EPHA3: variants seen among roughly 807,000 people sequenced by gnomAD.
EPHA3 encodes the protein EPH receptor A3, also known as ephrin type-A receptor 3.
In EPHA3, 42 loss-of-function variants were observed where a neutral mutation model predicts 107.1. The ratio of observed to expected loss-of-function variants is 0.39; its 90% CI spans 0.31 to 0.51. The LOEUF (loss-of-function observed/expected upper bound fraction) is 0.51. Among genes scored for constraint, EPHA3 ranks in the 20% least tolerant of loss-of-function variants. The pLI is 0.78. For missense variants in EPHA3, 1,183 were observed against 1,211.2 expected, an observed-to-expected ratio of 0.98 and a Z score of 0.35; for synonymous variants, 461 against 424.8, an observed-to-expected ratio of 1.09 and a Z score of -1.05.
intron 13 of EPHA3, among the ~76,000 whole-genome samples, chr3:89,433,676 TAACA>T (rs776592574): frequency 6.6e-6 from 1 of 152,202 alleles, no homozygotes; most frequent in Non-Finnish European, 1.5e-5. Context: ...ATGTTGTTCT[TAACA>T]AACACAATTC....
chr3:89,164,386 G>A (rs577852352), intron 2 of EPHA3, among the ~76,000 whole-genome samples: 15 of 152,332 alleles, frequency 9.8e-5, no homozygotes, highest in African/African-American at 3.4e-4. Context: ...AACAAGCTTG[G>A]CCTAGACACG....
At chr3:89,429,732 A>ATCTG (rs1422796901) in intron 12 of EPHA3, among the ~76,000 whole-genome samples, 3 of 150,134 alleles carry the variant, frequency 2.0e-5, no homozygotes, top group African/African-American at 7.5e-5. Flanking sequence ...CTATCTATCT[A>ATCTG]TCTATCTATA....
chr3:89,239,668 C>T (rs965007340), intron 3 of EPHA3, among the ~76,000 whole-genome samples: 1 of 152,124 alleles, frequency 6.6e-6, no homozygotes. Context: ...CATTTATCAC[C>T]ACTATTCTTC....
chr3:89,198,560 T>C (rs1261251800), intron 2 of EPHA3, among the ~76,000 whole-genome samples: 1 of 152,188 alleles, frequency 6.6e-6, no homozygotes, highest in Non-Finnish European at 1.5e-5. Flanking sequence ...AAGAGAACAG[T>C]AGAAGGGGTC....
chr3:89,316,279 T>C (rs1706897310), intron 3 of EPHA3, among the ~76,000 whole-genome samples: 1 of 151,406 alleles, frequency 6.6e-6, no homozygotes, highest in Non-Finnish European at 1.5e-5. Context: ...TTCCCATCCA[T>C]ATTGCCAGCT....
Position 89,284,356 on chromosome 3 carries a change from C to T in EPHA3, c.815-56560C>T, listed in dbSNP as rs762351344. 1.1e-4 allele frequency among the ~76,000 whole-genome samples: 17 copies of T among 152,092 alleles called. No homozygotes were observed. The East Asian group carries it at 1.2e-3, about 10-fold the overall frequency. On this transcript the variant is annotated intron_variant, in intron 3 of 16. Transcript: ENST00000336596. ...TAAACCATTTCTGGTGATGAGACTG[C>T]GGATAAACCAATCTAGAACATTCAG...
intron 3 of EPHA3, among the ~76,000 whole-genome samples, chr3:89,221,929 C>T (rs1704386194): frequency 6.6e-6 from 1 of 152,054 alleles, no homozygotes. Context: ...AAAAGATTGG[C>T]AATGGTGGTA....
At chr3:89,369,080 G>A (rs1708240756) in intron 5 of EPHA3, among the ~76,000 whole-genome samples, 1 of 150,234 alleles carries the variant, frequency 6.7e-6, no homozygotes, top group Admixed American at 6.7e-5. Context: ...TGTCATGGAA[G>A]GGAAGAAGAA....
Position 89,399,532 on chromosome 3 carries a change from G to T in EPHA3, c.1594+52G>T, listed in dbSNP as rs1294219020. ...AGGAGGGGGCAGGGATCTTGCAAAA[G>T]ATGTCTGATCGTTTATTCTCACTGT... On this transcript the variant is annotated intron_variant, in intron 7 of 16. Transcript: ENST00000336596. 4 of 1,597,630 alleles carry T rather than the reference G, an allele frequency of 2.5e-6. No individual in the cohort carries two copies. In the African/African-American group the frequency reaches 4.0e-5, roughly 16 times the overall value.
Position 89,353,139 on chromosome 3 carries a change from A to C in EPHA3, c.1306+11049A>C, listed in dbSNP as rs564962891. ...CTGAAGAAGCAAACATTTTAAAATAAAGGTAGAATAAATGCTTAGCTGAAT... is the reference window on the plus strand; with the variant it reads ...CTGAAGAAGCAAACATTTTAAAATACAGGTAGAATAAATGCTTAGCTGAAT... On this transcript the variant is annotated intron_variant, in intron 5 of 16. Coordinates refer to ENST00000336596, the MANE Select transcript of EPHA3 (RefSeq NM_005233.6). Among the ~76,000 whole-genome samples the C allele has an allele frequency of 3.3e-5, 5 of 151,258 alleles. No homozygotes were observed. In the South Asian group the frequency reaches 8.3e-4, roughly 25 times the overall value.
intron 3 of EPHA3, among the ~76,000 whole-genome samples, chr3:89,216,399 A>G (rs2107195289): frequency 6.6e-6 from 1 of 152,050 alleles, no homozygotes; most frequent in Admixed American, 6.5e-5. Flanking sequence ...TGTCCAAGAA[A>G]AAGACATATC....
At chr3:89,112,350 T>A (rs927142198) in intron 1 of EPHA3, among the ~76,000 whole-genome samples, 2 of 152,098 alleles carry the variant, frequency 1.3e-5, no homozygotes, top group African/African-American at 4.8e-5. Flanking sequence ...AACTTAGTAA[T>A]CTCACGTTGC....
chr3:89,251,721 A>C (rs1002525423), intron 3 of EPHA3, among the ~76,000 whole-genome samples: 17 of 152,106 alleles, frequency 1.1e-4, no homozygotes, highest in African/African-American at 3.9e-4. Flanking sequence ...TAACAATTTA[A>C]ATTTTTGTTA....
Position 89,351,294 on chromosome 3 carries a change from G to A in EPHA3, c.1306+9204G>A, listed in dbSNP as rs368442248. Among the ~76,000 whole-genome samples, 35 of 151,522 alleles carry A rather than the reference G, an allele frequency of 2.3e-4. No homozygotes were observed. In the South Asian group the frequency reaches 2.7e-3, roughly 12 times the overall value. On this transcript the variant is annotated intron_variant, in intron 5 of 16. Coordinates refer to ENST00000336596, the MANE Select transcript of EPHA3 (RefSeq NM_005233.6). Reference sequence around the variant, plus strand: ...ATTCCGTGGGCGTAGGACCCTCTGAGCCAGGTGTGGGATATAGTCTCGTGG... The same window carrying A: ...ATTCCGTGGGCGTAGGACCCTCTGAACCAGGTGTGGGATATAGTCTCGTGG...
Position 89,175,093 on chromosome 3 carries a change from G to A in EPHA3, c.154-34767G>A, listed in dbSNP as rs557833268. Among the ~76,000 whole-genome samples, 25 of 143,864 alleles carry A rather than the reference G, an allele frequency of 1.7e-4. No homozygotes were observed. The South Asian group carries it at 5.4e-3, about 31-fold the overall frequency. 94.4% of individuals were successfully genotyped at this position (143,864 alleles called of 152,430 possible). Reference sequence around the variant, plus strand: ...CATTTTTTTTTTTTTTTTGTAATCTGGCCTTGAAACTTTCACCTGAGGAAA... The same window carrying A: ...CATTTTTTTTTTTTTTTTGTAATCTAGCCTTGAAACTTTCACCTGAGGAAA... On this transcript the variant is annotated intron_variant, in intron 2 of 16. Coordinates refer to ENST00000336596, the MANE Select transcript of EPHA3 (RefSeq NM_005233.6).
chr3:89,361,082 A>G lies in EPHA3; in HGVS notation c.1306+18992A>G, dbSNP rs555283409. The stretch of plus-strand genomic sequence containing the variant: ...AGTCTTTCTTCAGTTAACATCTTGC[A>G]TATAAAATATTCATTTTCAGAATTT... On this transcript the variant is annotated intron_variant, in intron 5 of 16. Transcript: ENST00000336596. Among the ~76,000 whole-genome samples, 20 of 151,190 alleles carry G rather than the reference A, an allele frequency of 1.3e-4. No homozygotes were observed. In the East Asian group the frequency reaches 3.5e-3, roughly 26 times the overall value.
At chr3:89,247,731 A>AT (rs1318236682) in intron 3 of EPHA3, among the ~76,000 whole-genome samples, 1 of 152,218 alleles carries the variant, frequency 6.6e-6, no homozygotes, top group Non-Finnish European at 1.5e-5. Context: ...ATTGTGGGAC[A>AT]TCCAAGTATA....
In EPHA3 at chr3:89,354,478, A is replaced by C. The variant is rs190457450; in HGVS notation, c.1306+12388A>C. Reference sequence around the variant, plus strand: ...TAGTACCAGTGTTCAAATAGAAAAAAAAAATACATCCCTTTCTTAAGTGAC... The same window carrying C: ...TAGTACCAGTGTTCAAATAGAAAAACAAAATACATCCCTTTCTTAAGTGAC... On this transcript the variant is annotated intron_variant, in intron 5 of 16. Transcript: ENST00000336596. 7.5e-4 allele frequency among the ~76,000 whole-genome samples: 113 copies of C among 151,244 alleles called. 5 individuals carry two copies. The highest frequency in any genetic ancestry group is 1.2e-3 in the Non-Finnish European group (81 of 67,524).
chr3:89,255,329 AAGAG>A (rs995431435), intron 3 of EPHA3, among the ~76,000 whole-genome samples: 1 of 151,934 alleles, frequency 6.6e-6, no homozygotes, highest in Non-Finnish European at 1.5e-5. Flanking sequence ...ATCATGGCCA[AAGAG>A]AGAGAGAGCT....
Sources: allele counts gnomAD v4.1 joint callset (sites outside exome capture counted in the v4.1 genomes callset), GRCh38; gene constraint gnomAD v4.1.1; transcripts MANE v1.5; gene names NCBI Gene and HGNC (gene_info 2026-07-23, HGNC 2026-07-21).